ARHGEF12: variants seen among roughly 807,000 people sequenced by gnomAD.
ARHGEF12 encodes the protein Rho guanine nucleotide exchange factor 12.
In ARHGEF12, 66 loss-of-function variants were observed where a neutral mutation model predicts 211.2. That is an observed-to-expected ratio of 0.31 (90% CI 0.26 to 0.38). The LOEUF is 0.38. Ranked by LOEUF, ARHGEF12 falls within the 10% of genes least tolerant of loss-of-function variation. The pLI is 1.00. For synonymous variants in ARHGEF12, 592 were observed against 638.4 expected, an observed-to-expected ratio of 0.93 and a Z score of 1.09; for missense variants, 1,429 against 1,869.5, an observed-to-expected ratio of 0.76 and a Z score of 4.34.
At position 120,377,534 on chromosome 11, in the gene ARHGEF12, G is replaced by C. The variant is rs138130009; in HGVS notation, c.33-28584G>C. Reference sequence around the variant, plus strand: ...ATTTTTTAGTATTTTGTAGAGATGGGGTCTTTCTGTGTTGCCCAGGCTGGC... The same window carrying C: ...ATTTTTTAGTATTTTGTAGAGATGGCGTCTTTCTGTGTTGCCCAGGCTGGC... On this transcript the variant is annotated intron_variant, in intron 1 of 40. Coordinates refer to ENST00000397843, the MANE Select transcript of ARHGEF12 (RefSeq NM_015313.3). 2.9e-3 allele frequency among the ~76,000 whole-genome samples: 436 copies of C among 152,060 alleles called. 2 individuals carry two copies. The highest frequency in any genetic ancestry group is 0.01 in the African/African-American group (419 of 41,502).
intron 38 of ARHGEF12, among the ~76,000 whole-genome samples, chr11:120,480,967 G>GAT (rs1224561103): frequency 1.3e-5 from 2 of 152,198 alleles, no homozygotes; most frequent in African/African-American, 4.8e-5. Context: ...AATGGCAGGA[G>GAT]ATGGGGCAAG....
At chr11:120,423,277 G>A (rs193200506) in intron 6 of ARHGEF12, among the ~76,000 whole-genome samples, 1 of 152,156 alleles carries the variant, frequency 6.6e-6, no homozygotes, top group East Asian at 1.9e-4. Flanking sequence ...ATGGTAAAAT[G>A]ACTATTCTCA....
chr11:120,359,404 A>T (rs1943218898), intron 1 of ARHGEF12, among the ~76,000 whole-genome samples: 1 of 151,770 alleles, frequency 6.6e-6, no homozygotes, highest in Non-Finnish European at 1.5e-5. Context: ...TTTTATTTTT[A>T]TTTATTTATT....
intron 1 of ARHGEF12, among the ~76,000 whole-genome samples, chr11:120,351,431 ATATATATATATATATATATATATATTTTT>A (rs1403731636): frequency 9.5e-4 from 3 of 3,160 alleles, no homozygotes; most frequent in Non-Finnish European, 1.7e-3. Context: ...ATATATATAT[ATATATATATATATATATATATATATTTTT>A]TTTTTTTTTT....
rs1368889910 is a variant in ARHGEF12 at position 120,465,224 on chromosome 11, A to G, written c.2614-13A>G. On this transcript the variant is annotated splice_polypyrimidine_tract_variant and intron_variant, in intron 27 of 40. Coordinates refer to ENST00000397843, the MANE Select transcript of ARHGEF12 (RefSeq NM_015313.3). Reference sequence around the variant, plus strand: ...TCCCATTCTCTTTTGTGTTCTTTGCATTCTTGGCACAGTTCAGCGGACCAG... The same window carrying G: ...TCCCATTCTCTTTTGTGTTCTTTGCGTTCTTGGCACAGTTCAGCGGACCAG... 4 of 1,613,428 alleles carry G rather than the reference A, an allele frequency of 2.5e-6. No homozygotes were observed. The highest frequency in any genetic ancestry group is 3.4e-6 in the Non-Finnish European group (4 of 1,179,886).
chr11:120,440,108 C>A (rs745355762), intron 12 of ARHGEF12, 21 bp from the exon 13 acceptor site: 2 of 1,576,636 alleles, frequency 1.3e-6, no homozygotes, highest in South Asian at 1.2e-5. Flanking sequence ...TTTTCTGTTT[C>A]TTTTCCCTGA....
intron 29 of ARHGEF12, 111 bp from the exon 30 acceptor site, chr11:120,469,177 A>G: frequency 1.2e-6 from 1 of 800,974 alleles, no homozygotes; most frequent in Admixed American, 2.9e-5. Flanking sequence ...AAAATCTTCA[A>G]GGTCTTAATA....
At position 120,344,890 on chromosome 11, in the gene ARHGEF12, T is replaced by G. The variant is rs561289961; in HGVS notation, c.32+7615T>G. Among the ~76,000 whole-genome samples the G allele has an allele frequency of 2.6e-5, 4 of 152,366 alleles. No individual in the cohort carries two copies. The East Asian group carries it at 7.7e-4, about 29-fold the overall frequency. ...TAGTAAAGTGTTACTCTATTAAACT[T>G]GATTTCTGTAACCATTCAAGTGTTG... On this transcript the variant is annotated intron_variant, in intron 1 of 40. Coordinates refer to ENST00000397843, the MANE Select transcript of ARHGEF12 (RefSeq NM_015313.3).
At chr11:120,425,012 G>C (rs937942313) in intron 7 of ARHGEF12, among the ~76,000 whole-genome samples, 2 of 152,194 alleles carry the variant, frequency 1.3e-5, no homozygotes, top group African/African-American at 2.4e-5. Context: ...CTTGGACTTA[G>C]TTCTCTGTGG....
intron 13 of ARHGEF12, 21 bp downstream of exon 13, chr11:120,440,242 A>G: frequency 6.4e-6 from 10 of 1,572,234 alleles, no homozygotes; most frequent in East Asian, 2.2e-5. Context: ...TTTTCTTTCT[A>G]AAAAATAGAT....
intron 1 of ARHGEF12, among the ~76,000 whole-genome samples, chr11:120,383,563 A>G (rs1474164167): frequency 6.6e-6 from 1 of 152,120 alleles, no homozygotes; most frequent in Non-Finnish European, 1.5e-5. Context: ...TTAGATTTTC[A>G]TAAGGAGTGT....
At chr11:120,395,987 G>A (rs1289075440) in intron 1 of ARHGEF12, among the ~76,000 whole-genome samples, 2 of 152,042 alleles carry the variant, frequency 1.3e-5, no homozygotes, top group Non-Finnish European at 2.9e-5. Flanking sequence ...CCTGGATCTT[G>A]GTTACTAAAT....
chr11:120,411,065 A>AG (rs1487799595), intron 4 of ARHGEF12: 1 of 152,200 alleles, frequency 6.6e-6, no homozygotes, highest in Non-Finnish European at 1.5e-5. Flanking sequence ...TACTATACTA[A>AG]TATTTTTCTT....
In ARHGEF12 at chr11:120,414,041, A is replaced by G. The variant is rs1024091681; in HGVS notation, c.199+4591A>G. On this transcript the variant is annotated intron_variant, in intron 4 of 40. Coordinates refer to ENST00000397843, the MANE Select transcript of ARHGEF12 (RefSeq NM_015313.3). ...AAAATATGATCATTGGTAATTATCT[A>G]TTGAGTAAGAAGGAAGCAGTCTTTT... 4.6e-5 allele frequency among the ~76,000 whole-genome samples: 7 copies of G among 152,026 alleles called. 1 individual carries two copies. Among genetic ancestry groups the G allele is most frequent in the Admixed American group, 1.3e-4 (2 of 15,254 alleles).
intron 26 of ARHGEF12, among the ~76,000 whole-genome samples, chr11:120,460,044 A>C: frequency 6.6e-6 from 1 of 152,222 alleles, no homozygotes; most frequent in South Asian, 2.1e-4. Flanking sequence ...TGCTTGGAAC[A>C]CTTGAATAAG....
At chr11:120,349,709 A>G (rs1024036300) in intron 1 of ARHGEF12, among the ~76,000 whole-genome samples, 2 of 152,214 alleles carry the variant, frequency 1.3e-5, no homozygotes, top group African/African-American at 2.4e-5. Flanking sequence ...TACCTAGCAC[A>G]TCGTAAGAGA....
At position 120,467,154 on chromosome 11, in the gene ARHGEF12, A is replaced by C. The variant is rs770569216; in HGVS notation, c.2740-40A>C. On this transcript the variant is annotated intron_variant, in intron 28 of 40. Transcript: ENST00000397843. ...AATACATGGTACATGTATAAGTTCA[A>C]ATAAGAATTACAGATTCACTTATTT... The C allele has an allele frequency of 8.3e-6, 11 of 1,326,212 alleles. No homozygotes were observed. The South Asian group carries it at 1.3e-4, about 16-fold the overall frequency. 82.2% of individuals were successfully genotyped at this position (1,326,212 alleles called of 1,614,324 possible). A position where few individuals can be genotyped will look rare whatever the true frequency, so the allele number is the denominator to read the frequency against.
intron 21 of ARHGEF12, chr11:120,449,834 T>TA (rs150499533): frequency 0.21 from 30,395 of 148,066 alleles, 3,305 homozygotes; most frequent in Non-Finnish European, 0.23. Context: ...TTTGTTAAAT[T>TA]AAAAAAAAAA....
intron 37 of ARHGEF12, 41 bp downstream of exon 37, chr11:120,478,430 A>ATC: frequency 6.6e-7 from 1 of 1,524,928 alleles, no homozygotes; most frequent in Non-Finnish European, 9.1e-7. Flanking sequence ...CTTACTAAGT[A>ATC]TGACACTCAT....
Sources: gnomAD v4.1 joint callset for allele counts (sites outside exome capture counted in the v4.1 genomes callset) on GRCh38, gnomAD v4.1.1 for gene constraint, MANE v1.5 for transcripts, NCBI Gene and HGNC (gene_info 2026-07-23, HGNC 2026-07-21) for gene names.